The following GRM3 variants were observed in gnomAD, a reference collection of about 807,000 sequenced individuals.
GRM3 encodes glutamate metabotropic receptor 3.
Under a neutral mutation model 70.5 loss-of-function variants are expected in GRM3, and 26 were observed. The ratio of observed to expected loss-of-function variants is 0.37; its 90% CI spans 0.27 to 0.51. GRM3 has a LOEUF of 0.51. GRM3 is among the 20% of genes least tolerant of loss of function. The pLI, the probability that GRM3 is intolerant of heterozygous loss-of-function variation, is 0.93. For synonymous variants in GRM3, 443 were observed against 434.9 expected, an observed-to-expected ratio of 1.02 and a Z score of -0.23; for missense variants, 859 against 1,123.8, an observed-to-expected ratio of 0.76 and a Z score of 3.37.
intron 1 of GRM3, among the ~76,000 whole-genome samples, chr7:86,698,420 T>G (rs1236595628): frequency 6.6e-6 from 1 of 151,622 alleles, no homozygotes; most frequent in African/African-American, 2.4e-5. Flanking sequence ...TGCACCTAAA[T>G]AATAAATATC....
At chr7:86,649,474 G>A (rs771643842) in intron 1 of GRM3, among the ~76,000 whole-genome samples, 1 of 152,064 alleles carries the variant, frequency 6.6e-6, no homozygotes, top group Admixed American at 6.5e-5. Context: ...TAAGGCACCA[G>A]TTTGAAAATA....
chr7:86,663,984 G>A (rs1793962029), intron 1 of GRM3, among the ~76,000 whole-genome samples: 1 of 151,936 alleles, frequency 6.6e-6, no homozygotes, highest in African/African-American at 2.4e-5. Flanking sequence ...CAGATACTGT[G>A]AAAGGAGAGA....
chr7:86,849,004 T>G (rs570593148), intron 4 of GRM3, among the ~76,000 whole-genome samples: 18 of 152,290 alleles, frequency 1.2e-4, no homozygotes, highest in African/African-American at 3.6e-4. Flanking sequence ...CTTCTTGTAA[T>G]GTCTTAAAGT....
At chr7:86,709,980 T>C (rs1437308904) in intron 1 of GRM3, 1 of 152,090 alleles carries the variant, frequency 6.6e-6, no homozygotes, top group African/African-American at 2.4e-5. Context: ...GGAACCAATA[T>C]GATGGCATGT....
chr7:86,745,953 TG>T (rs35695522), intron 1 of GRM3, among the ~76,000 whole-genome samples: 14,876 of 152,044 alleles, frequency 0.098, 857 homozygotes, highest in Middle Eastern at 0.16. Context: ...AATGAGTTAA[TG>T]ATGGAGAGAA....
chr7:86,845,363 G>C (rs1798636118), intron 4 of GRM3, among the ~76,000 whole-genome samples: 1 of 152,088 alleles, frequency 6.6e-6, no homozygotes, highest in Non-Finnish European at 1.5e-5. Flanking sequence ...GTTCATCATG[G>C]GCTTAGCATT....
intron 2 of GRM3, among the ~76,000 whole-genome samples, chr7:86,774,731 C>T (rs912094106): frequency 1.1e-4 from 17 of 152,030 alleles, no homozygotes; most frequent in African/African-American, 3.9e-4. Flanking sequence ...AGGCACAGTG[C>T]CTCCAATTTC....
chr7:86,848,150 G>A (rs1400333293), intron 4 of GRM3, among the ~76,000 whole-genome samples: 1 of 152,236 alleles, frequency 6.6e-6, no homozygotes, highest in Non-Finnish European at 1.5e-5. Flanking sequence ...GGTAACATAA[G>A]GTACTACCAT....
chr7:86,774,456 C>T (rs1281607437), intron 2 of GRM3, among the ~76,000 whole-genome samples: 2 of 152,058 alleles, frequency 1.3e-5, no homozygotes, highest in African/African-American at 4.8e-5. Flanking sequence ...TTTGACAACA[C>T]CACCTGGTAT....
chr7:86,731,383 A>G (rs1360472673), intron 1 of GRM3, among the ~76,000 whole-genome samples: 1 of 152,172 alleles, frequency 6.6e-6, no homozygotes, highest in Non-Finnish European at 1.5e-5. Flanking sequence ...CTTCACATGA[A>G]ATGGCATTAA....
chr7:86,651,363 A>G (rs1793602080), intron 1 of GRM3, among the ~76,000 whole-genome samples: 1 of 152,198 alleles, frequency 6.6e-6, no homozygotes, highest in Non-Finnish European at 1.5e-5. Context: ...TTAATAATAG[A>G]TAGCAGATAG....
intron 1 of GRM3, among the ~76,000 whole-genome samples, chr7:86,758,776 A>G (rs1183294615): frequency 6.6e-6 from 1 of 152,096 alleles, no homozygotes; most frequent in Non-Finnish European, 1.5e-5. Flanking sequence ...TGTGATTTTT[A>G]TTTTTTAATT....
chr7:86,862,719 G>T (rs1009691032), intron 5 of GRM3, among the ~76,000 whole-genome samples: 1 of 152,102 alleles, frequency 6.6e-6, no homozygotes, highest in Non-Finnish European at 1.5e-5. Flanking sequence ...AAATTGAGGG[G>T]CTGTAGATTC....
intron 1 of GRM3, among the ~76,000 whole-genome samples, chr7:86,661,008 G>C (rs1793878963): frequency 6.6e-6 from 1 of 151,916 alleles, no homozygotes; most frequent in Non-Finnish European, 1.5e-5. Context: ...TGTCCTCAAA[G>C]ATCTTTCTTT....
At chr7:86,717,201 T>C (rs1282703954) in intron 1 of GRM3, among the ~76,000 whole-genome samples, 1 of 151,962 alleles carries the variant, frequency 6.6e-6, no homozygotes, top group Admixed American at 6.6e-5. Flanking sequence ...GTAGTTTTGT[T>C]ACCCTCCATA....
At chr7:86,787,253 A>G in intron 3 of GRM3, 137 bp downstream of exon 3, 1 of 684,036 alleles carries the variant, frequency 1.5e-6, no homozygotes, top group Non-Finnish European at 2.5e-6. Context: ...CAAATATTCC[A>G]GGATGCAATA....
At chr7:86,815,589 T>C (rs1797999741) in intron 3 of GRM3, among the ~76,000 whole-genome samples, 1 of 151,960 alleles carries the variant, frequency 6.6e-6, no homozygotes. Flanking sequence ...ATTCTCCTTT[T>C]ATATTTTCAG....
intron 1 of GRM3, among the ~76,000 whole-genome samples, chr7:86,723,227 T>TAAA (rs61660393): frequency 9.9e-5 from 15 of 151,362 alleles, no homozygotes; most frequent in East Asian, 3.9e-4. Context: ...TCTACATCCA[T>TAAA]AAAAAAAATA....
chr7:86,787,921 A>G (rs1412564082), intron 3 of GRM3, among the ~76,000 whole-genome samples: 1 of 152,242 alleles, frequency 6.6e-6, no homozygotes, highest in Non-Finnish European at 1.5e-5. Context: ...CGTAAAAAGC[A>G]CAAAATCTTT....
Sources: gnomAD v4.1 joint callset for allele counts (sites outside exome capture counted in the v4.1 genomes callset) on GRCh38, gnomAD v4.1.1 for gene constraint, MANE v1.5 for transcripts, NCBI Gene and HGNC (gene_info 2026-07-23, HGNC 2026-07-21) for gene names.